The following N4BP2L1 variants were observed in gnomAD, a reference collection of about 807,000 sequenced individuals.
The protein encoded by N4BP2L1 is NEDD4-binding protein 2-like 1.
A neutral mutation model predicts 21.2 loss-of-function variants in N4BP2L1; 12 were observed. That is an observed-to-expected ratio of 0.57 (90% CI 0.36 to 0.92). The LOEUF (loss-of-function observed/expected upper bound fraction) is 0.92. N4BP2L1 is among the 40% of genes least tolerant of loss of function. N4BP2L1 has a pLI of 0.01. For missense variants in N4BP2L1, 259 were observed against 310.6 expected, an observed-to-expected ratio of 0.83 and a Z score of 1.25; for synonymous variants, 104 against 112.8, an observed-to-expected ratio of 0.92 and a Z score of 0.49.
intron 1 of N4BP2L1, among the ~76,000 whole-genome samples, chr13:32,419,757 G>GT (rs1385925103): frequency 6.6e-6 from 1 of 152,144 alleles, no homozygotes; most frequent in East Asian, 1.9e-4. Flanking sequence ...CCAGTTTTGG[G>GT]TATGTCTTTA....
intron 1 of N4BP2L1, among the ~76,000 whole-genome samples, chr13:32,427,130 T>C (rs769684034): frequency 1.3e-5 from 2 of 152,104 alleles, no homozygotes; most frequent in East Asian, 1.9e-4. Context: ...TTCCCAGAGG[T>C]TGGGTACCGG....
chr13:32,418,012 C>T (rs1342523591), intron 1 of N4BP2L1, among the ~76,000 whole-genome samples: 1 of 152,142 alleles, frequency 6.6e-6, no homozygotes, highest in Admixed American at 6.5e-5. Context: ...AAAAGAAAGC[C>T]CCATTTTCAG....
In N4BP2L1 at chr13:32,401,598, C is replaced by T. The variant is rs1196042432; in HGVS notation, c.*1344G>A. 1 of 152,314 alleles carries T rather than the reference C, an allele frequency of 6.6e-6. No individual in the cohort carries two copies. The highest frequency in any genetic ancestry group is 1.5e-5 in the Non-Finnish European group (1 of 67,982). 9.4% of individuals were successfully genotyped at this position (152,314 alleles called of 1,614,324 possible). The stretch of plus-strand genomic sequence containing the variant: ...TGCTTTTGTCATTACCTTTACGATT[C>T]CTATTTATTAAAAAAAAGACTGGTA... On this transcript the variant is annotated 3_prime_UTR_variant, in exon 5 of 5. Coordinates refer to ENST00000380130, the MANE Select transcript of N4BP2L1 (RefSeq NM_052818.3).
At chr13:32,410,430 T>C (rs1163388900) in intron 1 of N4BP2L1, among the ~76,000 whole-genome samples, 1 of 152,238 alleles carries the variant, frequency 6.6e-6, no homozygotes, top group African/African-American at 2.4e-5. Flanking sequence ...GAAAGTAGAC[T>C]TCTTGATGGA....
Position 32,402,721 on chromosome 13 carries a change from CTG to C in N4BP2L1, c.*219_*220del, listed in dbSNP as rs1163185776. 1 of 1,323,382 alleles carries C rather than the reference CTG, an allele frequency of 7.6e-7. No individual in the cohort carries two copies. Among genetic ancestry groups the C allele is most frequent in the Non-Finnish European group, 9.6e-7 (1 of 1,040,066 alleles). The allele number at this position is 1,323,382 out of a possible 1,614,324, so 82.0% of individuals were successfully genotyped here. The stretch of plus-strand genomic sequence containing the variant: ...CAAATTCTTACCCTAGAGAAAGAGA[CTG>C]TTTACTCAAATCTGCAGAATTCCCA... On this transcript the variant is annotated 3_prime_UTR_variant, in exon 5 of 5. Coordinates refer to ENST00000380130, the MANE Select transcript of N4BP2L1 (RefSeq NM_052818.3).
chr13:32,419,411 AATTT>A, intron 1 of N4BP2L1: 1 of 265,010 alleles, frequency 3.8e-6, no homozygotes, highest in Non-Finnish European at 7.1e-6. Context: ...ATGCTTGGCT[AATTT>A]TTTTTTTTTT....
rs206337 is a variant in N4BP2L1 at position 32,427,160 on chromosome 13, G to C, written c.179+744C>G. ...TACCGGAGGGCCGCTTACGCAATTC[G>C]CAAGTGAACGAATTTGGGCGCCCAT... On this transcript the variant is annotated intron_variant, in intron 1 of 4. Coordinates refer to ENST00000380130, the MANE Select transcript of N4BP2L1 (RefSeq NM_052818.3). Among the ~76,000 whole-genome samples the C allele has an allele frequency of 1.3e-5, 2 of 152,146 alleles. 1 individual carries two copies. Among genetic ancestry groups the C allele is most frequent in the South Asian group, 4.1e-4 (2 of 4,832 alleles).
intron 1 of N4BP2L1, among the ~76,000 whole-genome samples, chr13:32,426,774 G>A (rs1006628917): frequency 1.3e-5 from 2 of 152,168 alleles, no homozygotes; most frequent in Admixed American, 6.5e-5. Context: ...CAATGTGCTT[G>A]GCAGGGTAAG....
At chr13:32,422,050 A>G (rs1365144461) in intron 1 of N4BP2L1, among the ~76,000 whole-genome samples, 1 of 152,236 alleles carries the variant, frequency 6.6e-6, no homozygotes, top group Non-Finnish European at 1.5e-5. Flanking sequence ...TCTCTCCAAC[A>G]CATCATAACC....
rs755553911 is a variant in N4BP2L1 at position 32,404,326 on chromosome 13, T to C, written c.468A>G (p.Leu156=). 4 of 1,613,404 alleles carry C rather than the reference T, an allele frequency of 2.5e-6. No homozygotes were observed. The African/African-American group carries it at 5.3e-5, about 22-fold the overall frequency. The change falls in exon 4 of 5, where the codon TTA becomes TTG. Residue 156 remains leucine (L), a synonymous_variant. Coordinates refer to ENST00000380130, the MANE Select transcript of N4BP2L1 (RefSeq NM_052818.3). ...DTRWKFNVQE[L]ARRNIHGVSR... is the part of the protein sequence containing the mutation. ...CTAGAAAAACAAAGAAGTACCTTGC[T>C]AACTCTTGAACGTTGAATTTCCAGC...
Position 32,407,455 on chromosome 13 carries a change from CA to C in N4BP2L1, c.308-118del, listed in dbSNP as rs2073589687. On this transcript the variant is annotated intron_variant, in intron 2 of 4. Coordinates refer to ENST00000380130, the MANE Select transcript of N4BP2L1 (RefSeq NM_052818.3). ...CCCTCATCTCCTCATCACACAACTT[CA>C]GAGCCCACTATCAATCAATAATTTT... is the stretch of plus-strand genomic sequence containing the variant. 4.4e-6 allele frequency: 7 copies of C among 1,588,180 alleles called. No homozygotes were observed. The East Asian group carries it at 1.6e-4, about 36-fold the overall frequency.
At position 32,401,654 on chromosome 13, in the gene N4BP2L1, A is replaced by ATTG. The variant is rs1312106314; in HGVS notation, c.*1285_*1287dup. On this transcript the variant is annotated 3_prime_UTR_variant, in exon 5 of 5. Transcript: ENST00000380130. ...GCCTGTGATACAGAAAAACTGGTATATTGTTGAGTTTCTTGGCATTTAGGT... is the reference window on the plus strand; with the variant it reads ...GCCTGTGATACAGAAAAACTGGTATATTGTTGTTGAGTTTCTTGGCATTTAGGT... 6.5e-6 allele frequency: 1 copy of ATTG among 152,784 alleles called. No individual in the cohort carries two copies. Among genetic ancestry groups the ATTG allele is most frequent in the Non-Finnish European group, 1.5e-5 (1 of 68,176 alleles). The allele number at this position is 152,784 out of a possible 1,614,324, so 9.5% of individuals were successfully genotyped here. A position where few individuals can be genotyped will look rare whatever the true frequency, so the allele number is the denominator to read the frequency against.
intron 1 of N4BP2L1, chr13:32,425,952 G>C (rs528019182): frequency 1.3e-5 from 2 of 152,092 alleles, no homozygotes; most frequent in African/African-American, 4.8e-5. Flanking sequence ...CACTCCAGTC[G>C]TCCCTAGAGA....
chr13:32,426,129 C>T (rs1178081559), intron 1 of N4BP2L1, among the ~76,000 whole-genome samples: 1 of 152,198 alleles, frequency 6.6e-6, no homozygotes, highest in Non-Finnish European at 1.5e-5. Context: ...TGAATCCAAG[C>T]CCCTGATGTT....
At position 32,403,163 on chromosome 13, in the gene N4BP2L1, G is replaced by A. The variant is rs1244495987; in HGVS notation, c.511C>T (p.Arg171Ter). ...IHGVSREKIH[R>*]MKERYEHDVT... ...TCGTGTTCATACCGTTCTTTCATTCGGTGGATTTTTTCTCTTGAGACACCA... is the reference window on the plus strand; with the variant it reads ...TCGTGTTCATACCGTTCTTTCATTCAGTGGATTTTTTCTCTTGAGACACCA... The change falls in exon 5 of 5, where the codon CGA becomes TGA. Residue 171 changes from arginine (R) to a stop codon, truncating the protein, a stop_gained. Transcript: ENST00000380130. LOFTEE classifies it low-confidence loss of function (END_TRUNC). 3.1e-6 allele frequency: 5 copies of A among 1,608,396 alleles called. No individual in the cohort carries two copies. Among genetic ancestry groups the A allele is most frequent in the Non-Finnish European group, 3.4e-6 (4 of 1,177,096 alleles).
At position 32,402,500 on chromosome 13, in the gene N4BP2L1, C is replaced by T. The variant is rs1324436006; in HGVS notation, c.*442G>A. 1.7e-5 allele frequency: 11 copies of T among 642,002 alleles called. No homozygotes were observed. The highest frequency in any genetic ancestry group is 2.3e-4 in the Admixed American group (2 of 8,532). The allele number at this position is 642,002 out of a possible 1,614,324, so 39.8% of individuals were successfully genotyped here. A position where few individuals can be genotyped will look rare whatever the true frequency, so the allele number is the denominator to read the frequency against. On this transcript the variant is annotated 3_prime_UTR_variant, in exon 5 of 5. Coordinates refer to ENST00000380130, the MANE Select transcript of N4BP2L1 (RefSeq NM_052818.3). ...ACATAGATTATCAAAGTAGCAATGGCACTTTGATAAGTAGCAATGCCCCCC... is the reference window on the plus strand; with the variant it reads ...ACATAGATTATCAAAGTAGCAATGGTACTTTGATAAGTAGCAATGCCCCCC...
intron 1 of N4BP2L1, among the ~76,000 whole-genome samples, chr13:32,409,442 A>T (rs74047027): frequency 6.0e-4 from 92 of 152,358 alleles, no homozygotes; most frequent in African/African-American, 2.2e-3. Flanking sequence ...TTGCGGGGAA[A>T]TGCGGGCCAG....
At chr13:32,428,524 T>G (rs2074918895), upstream of N4BP2L1, among the ~76,000 whole-genome samples, 1 of 152,192 alleles carries the variant, frequency 6.6e-6, no homozygotes, top group Non-Finnish European at 1.5e-5. Flanking sequence ...CCCGGCATTG[T>G]AAATGGCAAC....
intron 1 of N4BP2L1, among the ~76,000 whole-genome samples, chr13:32,416,856 G>A (rs2074171330): frequency 1.3e-5 from 2 of 151,134 alleles, no homozygotes; most frequent in Admixed American, 6.6e-5. Context: ...TTGCTCTGTC[G>A]CCCAGGCTGA....
Sources: gnomAD v4.1 joint callset for allele counts (sites outside exome capture counted in the v4.1 genomes callset) on GRCh38, gnomAD v4.1.1 for gene constraint, MANE v1.5 for transcripts, NCBI Gene and HGNC (gene_info 2026-07-23, HGNC 2026-07-21) for gene names.